Variants in KCNN2 observed in about 807,000 individuals in gnomAD.
The protein encoded by KCNN2 is small conductance calcium-activated potassium channel protein 2.
KCNN2 carries 24 observed loss-of-function variants against 55.5 expected under a neutral mutation model. That is an observed-to-expected ratio of 0.43 (90% CI 0.31 to 0.61). The LOEUF is 0.61. Among genes scored for constraint, KCNN2 ranks in the 20% least tolerant of loss-of-function variants. KCNN2 has a pLI of 0.08. For missense variants in KCNN2, 754 were observed against 853.6 expected, an observed-to-expected ratio of 0.88 and a Z score of 1.45; for synonymous variants, 431 against 336.1, an observed-to-expected ratio of 1.28 and a Z score of -3.09.
At chr5:114,402,902 C>T (rs184086185) in intron 2 of KCNN2, among the ~76,000 whole-genome samples, 2 of 152,038 alleles carry the variant, frequency 1.3e-5, no homozygotes, top group Admixed American at 1.3e-4. Context: ...AGGAGTGAGA[C>T]TCAATAGAGA....
chr5:114,363,184 T>C lies in KCNN2; in HGVS notation c.1045T>C (p.Tyr349His). The C allele has an allele frequency of 6.2e-7, 1 of 1,613,480 alleles. No individual in the cohort carries two copies. Reference protein sequence around the residue: ...LFEKRKRLSDYALIFGMFGIV... With the variant: ...LFEKRKRLSDHALIFGMFGIV... ...CGAAAAGCGCAAGCGGCTCAGCGAC[T>C]ACGCGCTCATCTTCGGCATGTTCGG... The change falls in exon 1 of 8, where the codon TAC (tyrosine) becomes CAC (histidine). Residue 349 changes from tyrosine to histidine, a missense_variant. Tyr to His is a moderately conservative substitution (Grantham distance 83, BLOSUM62 2). Around this residue, in one of 4 missense-constraint regions of KCNN2, gnomAD observed 123 missense variants for 204.9 expected, o/e 0.60. Transcript: ENST00000673685.
intron 2 of KCNN2, among the ~76,000 whole-genome samples, chr5:114,224,092 ATCTC>A (rs1224495441): frequency 2.0e-5 from 3 of 152,148 alleles, no homozygotes; most frequent in African/African-American, 7.2e-5. Context: ...GCATTTTAAT[ATCTC>A]TCTCTGGTGC....
At chr5:114,248,326 C>T (rs1249340807) in intron 2 of KCNN2, among the ~76,000 whole-genome samples, 1 of 151,944 alleles carries the variant, frequency 6.6e-6, no homozygotes, top group Non-Finnish European at 1.5e-5. Flanking sequence ...TAATTTGCCT[C>T]AATTAGAACT....
At chr5:114,125,089 T>C (rs1013966867) in intron 1 of KCNN2, among the ~76,000 whole-genome samples, 1 of 152,188 alleles carries the variant, frequency 6.6e-6, no homozygotes, top group African/African-American at 2.4e-5. Context: ...AAGGGGCAAT[T>C]GGTTACCTAA....
chr5:114,340,980 C>T (rs1378644941), intron 2 of KCNN2, among the ~76,000 whole-genome samples: 1 of 152,128 alleles, frequency 6.6e-6, no homozygotes, highest in Non-Finnish European at 1.5e-5. Flanking sequence ...CATAATGTTT[C>T]CCAGATTCAT....
chr5:114,164,397 G>A (rs1219402235), intron 1 of KCNN2, among the ~76,000 whole-genome samples: 4 of 152,178 alleles, frequency 2.6e-5, no homozygotes, highest in African/African-American at 9.6e-5. Flanking sequence ...TTAAAGTGAA[G>A]TGCTGTAGTC....
At chr5:114,432,541 C>T (rs552613613) in intron 3 of KCNN2, among the ~76,000 whole-genome samples, 12 of 152,188 alleles carry the variant, frequency 7.9e-5, no homozygotes, top group South Asian at 2.1e-4. Flanking sequence ...AGCCCTCGCT[C>T]GCTCTCGGCG....
chr5:114,333,104 T>A (rs1756855230), intron 2 of KCNN2, among the ~76,000 whole-genome samples: 1 of 152,170 alleles, frequency 6.6e-6, no homozygotes, highest in South Asian at 2.1e-4. Context: ...AAGTTTACAG[T>A]CAGAAAGAAT....
chr5:114,263,622 A>T (rs1035310221), intron 2 of KCNN2, among the ~76,000 whole-genome samples: 1 of 152,106 alleles, frequency 6.6e-6, no homozygotes, highest in Admixed American at 6.5e-5. Flanking sequence ...CTGTCTCCCA[A>T]CAAGGTAACT....
chr5:114,401,062 C>A (rs1480825829), intron 2 of KCNN2, among the ~76,000 whole-genome samples: 2 of 150,460 alleles, frequency 1.3e-5, no homozygotes, highest in Admixed American at 6.6e-5. Flanking sequence ...TGCTGTATGG[C>A]TGGTATGTAG....
intron 1 of KCNN2, among the ~76,000 whole-genome samples, chr5:114,163,072 A>G (rs1332899237): frequency 6.6e-6 from 1 of 152,094 alleles, no homozygotes; most frequent in Admixed American, 6.5e-5. Context: ...AAATGCAGAA[A>G]TCACCCGTCT....
intron 1 of KCNN2, among the ~76,000 whole-genome samples, chr5:114,149,511 G>C (rs1231877945): frequency 6.6e-6 from 1 of 152,084 alleles, no homozygotes; most frequent in East Asian, 1.9e-4. Context: ...CCAATGCACT[G>C]GATATACCAG....
At chr5:114,134,354 A>T (rs10074978) in intron 1 of KCNN2, among the ~76,000 whole-genome samples, 18,405 of 151,464 alleles carry the variant, frequency 0.12, 1,289 homozygotes, top group Non-Finnish European at 0.15. Flanking sequence ...TCTGGTAAGT[A>T]TAAGGGTCTA....
chr5:114,292,873 G>C (rs1275896429), intron 2 of KCNN2, among the ~76,000 whole-genome samples: 2 of 152,194 alleles, frequency 1.3e-5, no homozygotes, highest in Non-Finnish European at 2.9e-5. Context: ...TCATTGAGCA[G>C]TGGTTTGTAG....
intron 3 of KCNN2, among the ~76,000 whole-genome samples, chr5:114,419,384 A>T (rs1264114719): frequency 6.6e-6 from 1 of 152,240 alleles, no homozygotes; most frequent in Non-Finnish European, 1.5e-5. Flanking sequence ...TCTTATCTAA[A>T]GTAGCATCAT....
chr5:114,376,856 G>C (rs1472966290), intron 2 of KCNN2, among the ~76,000 whole-genome samples: 1 of 152,176 alleles, frequency 6.6e-6, no homozygotes, highest in African/African-American at 2.4e-5. Flanking sequence ...GCTGAGGAGA[G>C]AGGATTGCTT....
At chr5:114,203,864 C>G (rs1238647223) in intron 1 of KCNN2, among the ~76,000 whole-genome samples, 2 of 152,076 alleles carry the variant, frequency 1.3e-5, no homozygotes, top group Non-Finnish European at 2.9e-5. Context: ...GAAACTATAC[C>G]GAATAAAGAC....
chr5:114,322,203 T>A (rs553254760), intron 2 of KCNN2, among the ~76,000 whole-genome samples: 11 of 152,204 alleles, frequency 7.2e-5, no homozygotes, highest in Non-Finnish European at 1.2e-4. Context: ...CTGTAGTAAG[T>A]TCCTCAACCA....
At chr5:114,414,735 T>C (rs1361897869) in intron 3 of KCNN2, among the ~76,000 whole-genome samples, 1 of 152,228 alleles carries the variant, frequency 6.6e-6, no homozygotes, top group East Asian at 1.9e-4. Flanking sequence ...AATATTAGAA[T>C]TTAAAAACTT....
Sources: allele counts gnomAD v4.1 joint callset (sites outside exome capture counted in the v4.1 genomes callset), GRCh38; gene constraint gnomAD v4.1.1; regional missense constraint gnomAD v4.1.1; transcripts MANE v1.5; gene names NCBI Gene and HGNC (gene_info 2026-07-23, HGNC 2026-07-21).